The following MFGE8 variants were observed in gnomAD, a reference collection of about 807,000 sequenced individuals.
The protein encoded by MFGE8 is milk fat globule EGF and factor V/VIII domain containing, also known as lactadherin.
MFGE8 carries 34 observed loss-of-function variants against 42.6 expected under a neutral mutation model. The observed-to-expected ratio is 0.80, with a 90% CI of 0.61 to 1.06. The LOEUF (loss-of-function observed/expected upper bound fraction) is 1.06. Ranked by LOEUF, MFGE8 falls within the 50% of genes least tolerant of loss-of-function variation. The pLI, the probability that MFGE8 is intolerant of heterozygous loss-of-function variation, is 0.00. For synonymous variants in MFGE8, 230 were observed against 214.8 expected, an observed-to-expected ratio of 1.07 and a Z score of -0.62; for missense variants, 510 against 516.9, an observed-to-expected ratio of 0.99 and a Z score of 0.13.
intron 2 of MFGE8, among the ~76,000 whole-genome samples, chr15:88,908,365 A>G (rs1162513326): frequency 6.6e-6 from 1 of 152,184 alleles, no homozygotes; most frequent in Non-Finnish European, 1.5e-5. Context: ...CCAGTGGCTG[A>G]GCTGAGATTT....
At chr15:88,911,895 A>G (rs1898975791) in intron 1 of MFGE8, among the ~76,000 whole-genome samples, 1 of 152,182 alleles carries the variant, frequency 6.6e-6, no homozygotes, top group Non-Finnish European at 1.5e-5. Context: ...CAGGGGCCTC[A>G]GGAGCTTAAA....
Position 88,900,706 on chromosome 15 carries a change from G to A in MFGE8, c.870+845C>T, listed in dbSNP as rs372650011. On this transcript the variant is annotated intron_variant, in intron 6 of 7. Coordinates refer to ENST00000268150, the MANE Select transcript of MFGE8 (RefSeq NM_005928.4). ...GCAGATCATCGTCCTGCCAGCTCTC[G>A]GCTTCCTCATCTATAAAACAAGCTC... 5.7e-5 allele frequency: 56 copies of A among 985,364 alleles called. No individual in the cohort carries two copies. The East Asian group carries it at 1.9e-3, about 34-fold the overall frequency. The allele number at this position is 985,364 out of a possible 1,614,324, so 61.0% of individuals were successfully genotyped here.
chr15:88,900,938 A>G, intron 6 of MFGE8, among the ~76,000 whole-genome samples: 1 of 132,710 alleles, frequency 7.5e-6, no homozygotes, highest in South Asian at 2.3e-4. Context: ...CAGCCCATGG[A>G]ATGGCTCTCC....
intron 3 of MFGE8, 54 bp downstream of exon 3, chr15:88,907,141 C>T (rs1898720276): frequency 6.4e-7 from 1 of 1,569,370 alleles, no homozygotes; most frequent in Non-Finnish European, 8.7e-7. Flanking sequence ...AATGCAGAAA[C>T]ATTCATCGAG....
intron 2 of MFGE8, among the ~76,000 whole-genome samples, chr15:88,909,513 C>T (rs1380379045): frequency 2.0e-5 from 3 of 152,210 alleles, no homozygotes; most frequent in Non-Finnish European, 4.4e-5. Context: ...TCCAGGGTGA[C>T]CACAACCCCT....
chr15:88,911,725 T>C, intron 1 of MFGE8, among the ~76,000 whole-genome samples: 1 of 141,360 alleles, frequency 7.1e-6, no homozygotes. Flanking sequence ...AGATTCCATC[T>C]CAAAAAGAAA....
Position 88,907,182 on chromosome 15 carries a change from T to C in MFGE8, c.387+13A>G. 1 of 1,610,104 alleles carries C rather than the reference T, an allele frequency of 6.2e-7. No individual in the cohort carries two copies. Among genetic ancestry groups the C allele is most frequent in the Non-Finnish European group, 8.5e-7 (1 of 1,178,040 alleles). On this transcript the variant is annotated intron_variant, in intron 3 of 7. Coordinates refer to ENST00000268150, the MANE Select transcript of MFGE8 (RefSeq NM_005928.4). ...TCTCCATTGCCCCGCCCCAGGGCCA[T>C]CCCCAGGCATACCTGGATCCAGGGG...
At chr15:88,907,136 A>T in intron 3 of MFGE8, 59 bp downstream of exon 3, 1 of 1,563,414 alleles carries the variant, frequency 6.4e-7, no homozygotes, top group Non-Finnish European at 8.7e-7. Context: ...CCCCAAATGC[A>T]GAAACATTCA....
chr15:88,901,173 TCTCACACATTCA>T (rs1414509845), intron 6 of MFGE8, among the ~76,000 whole-genome samples: 3,939 of 78,756 alleles, frequency 0.05, 208 homozygotes, highest in Middle Eastern at 0.11. Flanking sequence ...TCACACACAT[TCTCACACATTCA>T]CACACACATT....
At position 88,906,076 on chromosome 15, in the gene MFGE8, G is replaced by A. The variant is rs1041031807; in HGVS notation, c.541-175C>T. The stretch of plus-strand genomic sequence containing the variant: ...GCAGCCTCTCCTTTGGCCACCCCAC[G>A]GCCCTCCACAAAGATTCTCCTCTCA... On this transcript the variant is annotated intron_variant, in intron 4 of 7. Coordinates refer to ENST00000268150, the MANE Select transcript of MFGE8 (RefSeq NM_005928.4). The surrounding 1 kb of genome is among the most constrained non-coding windows in gnomAD (Gnocchi z 4.2). The A allele has an allele frequency of 5.8e-6, 4 of 691,338 alleles. No homozygotes were observed. Among genetic ancestry groups the A allele is most frequent in the Admixed American group, 2.4e-5 (1 of 42,552 alleles). 42.8% of individuals were successfully genotyped at this position (691,338 alleles called of 1,614,324 possible).
chr15:88,906,202 TC>T lies in MFGE8; in HGVS notation c.541-302del, dbSNP rs1277962956. 4.0e-6 allele frequency: 2 copies of T among 504,226 alleles called. No homozygotes were observed. Among genetic ancestry groups the T allele is most frequent in the Non-Finnish European group, 7.2e-6 (2 of 276,984 alleles). The allele number at this position is 504,226 out of a possible 1,614,324, so 31.2% of individuals were successfully genotyped here. On this transcript the variant is annotated intron_variant, in intron 4 of 7. Transcript: ENST00000268150. This position sits in a 1 kb window ranked among gnomAD's most constrained non-coding sequence, Gnocchi z 4.2. ...CTCTTTGCAAATTAGGAAAAGGCAC[TC>T]CTTTCTCAAATAGTTTATTATGACA...
chr15:88,908,317 G>A (rs935998967), intron 2 of MFGE8, among the ~76,000 whole-genome samples: 1 of 152,198 alleles, frequency 6.6e-6, no homozygotes, highest in Non-Finnish European at 1.5e-5. Flanking sequence ...GGAGGGGAAC[G>A]CGCAAAGTGA....
Position 88,899,429 on chromosome 15 carries a change from C to T in MFGE8, c.1130G>A (p.Arg377His), listed in dbSNP as rs568619975. 4.9e-5 allele frequency: 79 copies of T among 1,614,186 alleles called. No individual in the cohort carries two copies. The South Asian group carries it at 7.5e-4, about 15-fold the overall frequency. Residue 377 changes from arginine to histidine, a missense_variant, in exon 8 of 8, where the codon CGC becomes CAC. Arg to His is a conservative substitution (Grantham distance 29). Transcript: ENST00000268150. This position sits in a 1 kb window ranked among gnomAD's most constrained non-coding sequence, Gnocchi z 6.8. The part of the protein sequence containing the change: ...VRILPVAWHN[R>H]IALRLELLGC ...CAGCAGCTCCAGGCGCAGGGCGATG[C>T]GGTTGTGCCAGGCTACAGGCAGGAT...
chr15:88,899,655 C>G lies in MFGE8; in HGVS notation c.1026+1G>C. 1 of 1,614,170 alleles carries G rather than the reference C, an allele frequency of 6.2e-7. No homozygotes were observed. Among genetic ancestry groups the G allele is most frequent in the South Asian group, 1.1e-5 (1 of 91,086 alleles). ...GGGTGGGCAGCTGGACAGACACCCA[C>G]CTTACTGCTGCCAGTCCTGGGGTCC... On this transcript the variant is annotated splice_donor_variant, in intron 7 of 7. Coordinates refer to ENST00000268150, the MANE Select transcript of MFGE8 (RefSeq NM_005928.4). LOFTEE classifies it high-confidence loss of function. This position sits in a 1 kb window ranked among gnomAD's most constrained non-coding sequence, Gnocchi z 6.8.
At chr15:88,901,517 A>AAACCCAAAAAGCTGTCC in intron 6 of MFGE8, 34 bp downstream of exon 6, 1 of 1,072,614 alleles carries the variant, frequency 9.3e-7, no homozygotes, top group Non-Finnish European at 1.4e-6. Flanking sequence ...ATCCCACCCA[A>AAACCCAAAAAGCTGTCC]CCCCAGCCCC....
At chr15:88,912,624 G>T in intron 1 of MFGE8, 2 of 985,364 alleles carry the variant, frequency 2.0e-6, no homozygotes, top group Non-Finnish European at 2.4e-6. Context: ...AGCCGGCCAA[G>T]GCCGCGGGAG....
chr15:88,901,236 C>CAT lies in MFGE8; in HGVS notation c.870+314_870+315insAT, dbSNP rs1484243985. Among the ~76,000 whole-genome samples, 9 of 113,520 alleles carry CAT rather than the reference C, an allele frequency of 7.9e-5. 1 individual carries two copies. Among genetic ancestry groups the CAT allele is most frequent in the Non-Finnish European group, 1.7e-4 (8 of 46,284 alleles). 74.5% of individuals were successfully genotyped at this position (113,520 alleles called of 152,430 possible). A position where few individuals can be genotyped will look rare whatever the true frequency, so the allele number is the denominator to read the frequency against. ...ACACATTCACACATACACATTCACA[C>CAT]ACACATTCACACGCACGCATTCACA... is the stretch of plus-strand genomic sequence containing the variant. On this transcript the variant is annotated intron_variant, in intron 6 of 7. Transcript: ENST00000268150.
chr15:88,900,130 T>A (rs1213923344), intron 6 of MFGE8, among the ~76,000 whole-genome samples: 2 of 151,334 alleles, frequency 1.3e-5, no homozygotes, highest in Middle Eastern at 3.4e-3. Flanking sequence ...TAATCCCAGC[T>A]ACTAGGGAGG....
chr15:88,899,411 T>C lies in MFGE8; in HGVS notation c.1148A>G (p.Glu383Gly), dbSNP rs1596185976. 2.5e-6 allele frequency: 4 copies of C among 1,614,090 alleles called. No individual in the cohort carries two copies. In the East Asian group the frequency reaches 6.7e-5, roughly 27 times the overall value. Residue 383 changes from glutamate (E) to glycine (G), a missense_variant, in exon 8 of 8, where the codon GAG becomes GGG. Transcript: ENST00000268150. The surrounding 1 kb of genome is among the most constrained non-coding windows in gnomAD (Gnocchi z 6.8). ...AGGTGGCCACTAACAGCCCAGCAGC[T>C]CCAGGCGCAGGGCGATGCGGTTGTG... The part of the protein sequence containing the change: ...AWHNRIALRL[E>G]LLGC
Sources: gnomAD v4.1 joint callset for allele counts (sites outside exome capture counted in the v4.1 genomes callset) on GRCh38, gnomAD v4.1.1 for gene constraint, Gnocchi (gnomAD v3.1) non-coding constraint, MANE v1.5 for transcripts, NCBI Gene and HGNC (gene_info 2026-07-23, HGNC 2026-07-21) for gene names.